Variants in NUP107 observed in about 807,000 individuals in gnomAD.
NUP107 encodes nuclear pore complex protein Nup107.
In NUP107, 101 loss-of-function variants were observed where a neutral mutation model predicts 141.0. That is an observed-to-expected ratio of 0.72 (90% confidence interval 0.61 to 0.84). The LOEUF is 0.84. Ranked by LOEUF, NUP107 falls within the 40% of genes least tolerant of loss-of-function variation. The pLI is 0.00. For synonymous variants in NUP107, 319 were observed against 363.9 expected (o/e 0.88, Z 1.41); for missense variants, 941 against 1,102.7 (o/e 0.85, Z 2.08).
At chr12:68,700,646 G>A in intron 6 of NUP107, 80 bp from the exon 7 acceptor site, 1 of 895,350 alleles carries the variant, frequency 1.1e-6, no homozygotes, top group East Asian at 2.9e-5. Flanking sequence ...AATTATTTTA[G>A]CACTCTATTC....
At chr12:68,741,709 T>C (rs1319848721) in intron 26 of NUP107, 104 bp from the exon 27 acceptor site, 1 of 989,640 alleles carries the variant, frequency 1.0e-6, no homozygotes. Context: ...CTGTTAAATC[T>C]TGTCTACCAA....
At position 68,744,070 on chromosome 12, in the gene NUP107, C is replaced by G. The variant is rs1418069058; in HGVS notation, c.*1608C>G. 6.6e-6 allele frequency: 1 copy of G among 152,136 alleles called. No individual in the cohort carries two copies. The highest frequency in any genetic ancestry group is 1.5e-5 in the Non-Finnish European group (1 of 68,028). 9.4% of individuals were successfully genotyped at this position (152,136 alleles called of 1,614,324 possible). The stretch of plus-strand genomic sequence containing the variant: ...CTGTATATATAGAAACTTTGTACAA[C>G]CCAGGGTGACTATTTCCAAAGACTG... On this transcript the variant is annotated 3_prime_UTR_variant, in exon 28 of 28. Transcript: ENST00000229179.
At chr12:68,709,761 C>T (rs558083068) in intron 9 of NUP107, among the ~76,000 whole-genome samples, 1 of 151,780 alleles carries the variant, frequency 6.6e-6, no homozygotes, top group East Asian at 1.9e-4. Context: ...TGGTGGTGGG[C>T]GCCTGTAGTC....
chr12:68,729,050 T>TA (rs1383257145), intron 20 of NUP107, among the ~76,000 whole-genome samples: 1 of 151,870 alleles, frequency 6.6e-6, no homozygotes, highest in African/African-American at 2.4e-5. Flanking sequence ...AGTATTGCAC[T>TA]AAAAAAAACA....
At chr12:68,714,643 A>G (rs556650995) in intron 11 of NUP107, among the ~76,000 whole-genome samples, 1 of 152,344 alleles carries the variant, frequency 6.6e-6, no homozygotes, top group East Asian at 1.9e-4. Flanking sequence ...TTCTTGAGTC[A>G]CATTAAAATT....
In NUP107 at chr12:68,700,736, T is replaced by C. The variant is rs772713557; in HGVS notation, c.563T>C (p.Leu188Pro). ...GTGTTTTTTATTCAGGTGAATATACTGAGTAAAATAGTGAGTCGAGCAACA... is the reference window on the plus strand; with the variant it reads ...GTGTTTTTTATTCAGGTGAATATACCGAGTAAAATAGTGAGTCGAGCAACA... The part of the protein sequence containing the change: ...ENICGSQVNI[L>P]SKIVSRATPG... The change falls in exon 7 of 28, where the codon CTG becomes CCG. Residue 188 changes from leucine to proline, a missense_variant. Transcript: ENST00000229179. The C allele has an allele frequency of 2.5e-6, 4 of 1,601,106 alleles. No individual in the cohort carries two copies. Among genetic ancestry groups the C allele is most frequent in the African/African-American group, 1.3e-5 (1 of 74,386 alleles).
intron 17 of NUP107, among the ~76,000 whole-genome samples, 174 bp downstream of exon 17, chr12:68,722,326 G>T (rs1877390057): frequency 6.6e-6 from 1 of 152,000 alleles, no homozygotes; most frequent in Non-Finnish European, 1.5e-5. Flanking sequence ...ATCATTTTTA[G>T]TTTTTTGTTT....
Position 68,743,626 on chromosome 12 carries a change from A to G in NUP107, c.*1164A>G, listed in dbSNP as rs796261106. 22 of 152,360 alleles carry G rather than the reference A, an allele frequency of 1.4e-4. No homozygotes were observed. Among genetic ancestry groups the G allele is most frequent in the African/African-American group, 5.1e-4 (21 of 41,584 alleles). 9.4% of individuals were successfully genotyped at this position (152,360 alleles called of 1,614,324 possible). A position where few individuals can be genotyped will look rare whatever the true frequency, so the allele number is the denominator to read the frequency against. ...AACCAACAAATACACCAAATAGGCT[A>G]GAGTGTAGGGCTTATAAACAGGAGA... On this transcript the variant is annotated 3_prime_UTR_variant, in exon 28 of 28. Transcript: ENST00000229179.
At chr12:68,688,185 G>GT (rs1875598523) in intron 1 of NUP107, among the ~76,000 whole-genome samples, 1 of 130,358 alleles carries the variant, frequency 7.7e-6, no homozygotes, top group African/African-American at 3.0e-5. Context: ...GCTATCTGAA[G>GT]GTTTTTTTTT....
intron 5 of NUP107, 23 bp from the exon 6 acceptor site, chr12:68,696,793 CTTT>C (rs35640989): frequency 2.1e-4 from 211 of 1,026,596 alleles, no homozygotes; most frequent in South Asian, 5.3e-4. Context: ...TTCTTTATTC[CTTT>C]TTTTTTTTTT....
intron 24 of NUP107, among the ~76,000 whole-genome samples, chr12:68,734,494 G>A (rs1877978470): frequency 6.6e-6 from 1 of 152,190 alleles, no homozygotes; most frequent in South Asian, 2.1e-4. Context: ...TGGAGAATAT[G>A]CCAGAAAACA....
chr12:68,724,257 AAATT>A (rs1877466890), intron 17 of NUP107, among the ~76,000 whole-genome samples: 1 of 152,118 alleles, frequency 6.6e-6, no homozygotes, highest in Admixed American at 6.6e-5. Flanking sequence ...TAGGAATAAA[AAATT>A]AATCCAGGGT....
rs528876202 is a variant in NUP107 at position 68,719,163 on chromosome 12, A to G, written c.1084-178A>G. 6.6e-4 allele frequency among the ~76,000 whole-genome samples: 100 copies of G among 152,342 alleles called. 3 individuals carry two copies. In the South Asian group the frequency reaches 0.02, roughly 31 times the overall value. On this transcript the variant is annotated intron_variant, in intron 12 of 27. Transcript: ENST00000229179. ...CTTGGCCTCCCAAAGTGTTGGGATT[A>G]CAGGCGTGAGCCACCACGCCCAGCC...
At chr12:68,697,179 A>G (rs930996707) in intron 6 of NUP107, among the ~76,000 whole-genome samples, 1 of 152,060 alleles carries the variant, frequency 6.6e-6, no homozygotes, top group Non-Finnish European at 1.5e-5. Context: ...TGTAATCCCA[A>G]TGCTTTGGGA....
intron 26 of NUP107, among the ~76,000 whole-genome samples, chr12:68,736,801 C>G (rs1878093185): frequency 6.7e-6 from 1 of 150,002 alleles, no homozygotes; most frequent in Admixed American, 6.7e-5. Context: ...TGGCTCGCCT[C>G]CCAGATCCTC....
chr12:68,735,099 T>G, intron 25 of NUP107, 132 bp from the exon 26 acceptor site: 1 of 734,906 alleles, frequency 1.4e-6, no homozygotes, highest in Non-Finnish European at 2.3e-6. Flanking sequence ...TGATACTTAT[T>G]TTTGTACTTG....
chr12:68,720,778 T>A (rs1429144282), intron 14 of NUP107, among the ~76,000 whole-genome samples: 1 of 152,208 alleles, frequency 6.6e-6, no homozygotes, highest in Non-Finnish European at 1.5e-5. Flanking sequence ...TATCAGAATG[T>A]CAGGTATTGA....
chr12:68,691,387 A>T (rs1875778375), intron 4 of NUP107, among the ~76,000 whole-genome samples: 1 of 152,274 alleles, frequency 6.6e-6, no homozygotes, highest in Admixed American at 6.5e-5. Flanking sequence ...GAATATCTTA[A>T]GGAAGAGATA....
chr12:68,731,335 T>G (rs1877817735), intron 21 of NUP107, 75 bp downstream of exon 21: 2 of 1,382,554 alleles, frequency 1.4e-6, no homozygotes, highest in African/African-American at 2.9e-5. Context: ...ACATTTGTCC[T>G]TATAGTTTTA....
Sources: allele counts gnomAD v4.1 joint callset (sites outside exome capture counted in the v4.1 genomes callset), GRCh38; gene constraint gnomAD v4.1.1; transcripts MANE v1.5; gene names NCBI Gene and HGNC (gene_info 2026-07-23, HGNC 2026-07-21).